TMEM132D: variants seen among roughly 807,000 people sequenced by gnomAD.
The protein encoded by TMEM132D is mature OL transmembrane protein.
A neutral mutation model predicts 62.3 loss-of-function variants in TMEM132D; 21 were observed. That is an observed-to-expected ratio of 0.34 (90% CI 0.24 to 0.49). TMEM132D has a LOEUF of 0.49. Among genes scored for constraint, TMEM132D ranks in the 20% least tolerant of loss-of-function variants. The probability of loss-of-function intolerance (pLI) is 0.99; values close to 1 mark genes in which losing one functional copy is unlikely to be tolerated. For missense variants in TMEM132D, 1,346 were observed against 1,402.8 expected, an observed-to-expected ratio of 0.96 and a Z score of 0.65; for synonymous variants, 621 against 575.6, an observed-to-expected ratio of 1.08 and a Z score of -1.13.
At chr12:129,236,155 TGAGA>T (rs35395261) in intron 4 of TMEM132D, among the ~76,000 whole-genome samples, 103,395 of 144,408 alleles carry the variant, frequency 0.72, 36,894 homozygotes, top group African/African-American at 0.74. Context: ...TGTGTGTGTA[TGAGA>T]GAGAGAGAGA....
intron 4 of TMEM132D, among the ~76,000 whole-genome samples, chr12:129,316,207 G>A (rs1868484163): frequency 6.6e-6 from 1 of 151,950 alleles, no homozygotes; most frequent in Admixed American, 6.6e-5. Flanking sequence ...GTTTGTTCTT[G>A]TTTCTCTTGC....
chr12:129,091,611 T>TC (rs1874920648), intron 5 of TMEM132D, among the ~76,000 whole-genome samples: 1 of 148,710 alleles, frequency 6.7e-6, no homozygotes, highest in African/African-American at 2.5e-5. Flanking sequence ...ACCCTACCTA[T>TC]CCTCACTTGG....
At chr12:129,719,073 CAAAAAAAATGA>C (rs1195129848) in intron 1 of TMEM132D, among the ~76,000 whole-genome samples, 1 of 73,520 alleles carries the variant, frequency 1.4e-5, no homozygotes, top group Non-Finnish European at 2.7e-5. Flanking sequence ...CTCCTCTCTA[CAAAAAAAATGA>C]AAAAAAAAAA....
Position 129,337,998 on chromosome 12 carries a change from C to T in TMEM132D, c.1116-181G>A, listed in dbSNP as rs1048652241. Among the ~76,000 whole-genome samples the T allele has an allele frequency of 3.3e-5, 5 of 152,242 alleles. No homozygotes were observed. In the South Asian group the frequency reaches 6.2e-4, roughly 19 times the overall value. On this transcript the variant is annotated intron_variant, in intron 3 of 8. Transcript: ENST00000422113. Reference sequence around the variant, plus strand: ...AAACGAACAAAGGAGCTTTAATATGCTCTGCAGCATTAGCCTGGGCTTAGA... The same window carrying T: ...AAACGAACAAAGGAGCTTTAATATGTTCTGCAGCATTAGCCTGGGCTTAGA...
intron 3 of TMEM132D, among the ~76,000 whole-genome samples, chr12:129,484,915 T>A (rs556641362): frequency 6.6e-6 from 1 of 152,086 alleles, no homozygotes; most frequent in Admixed American, 6.6e-5. Flanking sequence ...TACTAAGCGG[T>A]TGGGTGGGGC....
chr12:129,205,776 C>G (rs1020450171), intron 5 of TMEM132D, among the ~76,000 whole-genome samples: 1 of 151,980 alleles, frequency 6.6e-6, no homozygotes, highest in Non-Finnish European at 1.5e-5. Flanking sequence ...ATAAAACAAT[C>G]CTTAGCAAAT....
At chr12:129,297,098 G>A (rs1474915370) in intron 4 of TMEM132D, among the ~76,000 whole-genome samples, 2 of 152,308 alleles carry the variant, frequency 1.3e-5, no homozygotes, top group East Asian at 3.9e-4. Context: ...CCTAGGGAAG[G>A]ACAGCCTGGA....
intron 4 of TMEM132D, among the ~76,000 whole-genome samples, chr12:129,321,708 G>A (rs780721588): frequency 3.3e-5 from 5 of 151,982 alleles, no homozygotes; most frequent in Non-Finnish European, 7.4e-5. Context: ...ACAGGCGCCC[G>A]CCACCACGCC....
intron 3 of TMEM132D, among the ~76,000 whole-genome samples, chr12:129,415,332 T>C (rs1872084774): frequency 2.0e-5 from 3 of 152,218 alleles, no homozygotes; most frequent in African/African-American, 7.2e-5. Flanking sequence ...CACCAACACT[T>C]GTTTCCTCTG....
At chr12:129,231,858 G>T (rs559799305) in intron 4 of TMEM132D, among the ~76,000 whole-genome samples, 127 of 152,344 alleles carry the variant, frequency 8.3e-4, no homozygotes, top group African/African-American at 2.8e-3. Flanking sequence ...ACCTGAGGTT[G>T]GTCCAGAGAA....
Position 129,209,589 on chromosome 12 carries a change from C to T in TMEM132D, c.1374G>A (p.Glu458=). 6.2e-7 allele frequency: 1 copy of T among 1,614,216 alleles called. No homozygotes were observed. The highest frequency in any genetic ancestry group is 8.5e-7 in the Non-Finnish European group (1 of 1,180,034). ...VAVPVKVVSV[E]DDGTVTELLE... ...GCAGCTCTGTCACTGTGCCGTCGTCCTCCACGGAGACCACTTTCACCGGGA... is the reference window on the plus strand; with the variant it reads ...GCAGCTCTGTCACTGTGCCGTCGTCTTCCACGGAGACCACTTTCACCGGGA... Residue 458 remains glutamate (E), a synonymous_variant, in exon 5 of 9, where the codon GAG becomes GAA. Transcript: ENST00000422113.
intron 2 of TMEM132D, among the ~76,000 whole-genome samples, chr12:129,583,786 C>T (rs752830832): frequency 1.3e-5 from 2 of 152,162 alleles, no homozygotes; most frequent in Non-Finnish European, 2.9e-5. Context: ...AGTGCAGAAT[C>T]GGGAAAAGGA....
intron 4 of TMEM132D, among the ~76,000 whole-genome samples, chr12:129,224,201 T>C (rs1317391242): frequency 6.6e-6 from 1 of 152,210 alleles, no homozygotes; most frequent in Non-Finnish European, 1.5e-5. Flanking sequence ...CCTTCCTTTT[T>C]TTCCTCTTTA....
intron 4 of TMEM132D, among the ~76,000 whole-genome samples, chr12:129,215,302 G>T (rs564391811): frequency 6.6e-6 from 1 of 152,128 alleles, no homozygotes; most frequent in East Asian, 1.9e-4. Flanking sequence ...CACATAGAGG[G>T]TAACAACACA....
At chr12:129,225,247 G>A (rs1879451080) in intron 4 of TMEM132D, among the ~76,000 whole-genome samples, 1 of 152,194 alleles carries the variant, frequency 6.6e-6, no homozygotes. Flanking sequence ...AAAGCTACAT[G>A]TTCACCATTG....
intron 1 of TMEM132D, among the ~76,000 whole-genome samples, chr12:129,726,013 G>T (rs566373016): frequency 1.2e-3 from 177 of 152,306 alleles, no homozygotes; most frequent in African/African-American, 4.0e-3. Flanking sequence ...TAGAGGATAT[G>T]CATGTCACCA....
chr12:129,219,979 T>C (rs564861256), intron 4 of TMEM132D, among the ~76,000 whole-genome samples: 1 of 152,204 alleles, frequency 6.6e-6, no homozygotes, highest in Non-Finnish European at 1.5e-5. Context: ...CTTGAATTGC[T>C]AATATATTTG....
intron 4 of TMEM132D, among the ~76,000 whole-genome samples, chr12:129,267,222 T>C (rs112925200): frequency 6.6e-6 from 1 of 152,252 alleles, no homozygotes; most frequent in African/African-American, 2.4e-5. Context: ...GGTATTCAAT[T>C]AGGAAAAGAG....
chr12:129,619,278 T>C (rs572025098), intron 2 of TMEM132D, among the ~76,000 whole-genome samples: 2 of 152,282 alleles, frequency 1.3e-5, no homozygotes, highest in African/African-American at 4.8e-5. Context: ...ATTTTTGGTG[T>C]ACAATGCATA....
Sources: gnomAD v4.1 joint callset for allele counts (sites outside exome capture counted in the v4.1 genomes callset) on GRCh38, gnomAD v4.1.1 for gene constraint, MANE v1.5 for transcripts, NCBI Gene and HGNC (gene_info 2026-07-23, HGNC 2026-07-21) for gene names.